ZNF608: variants seen among roughly 807,000 people sequenced by gnomAD.
ZNF608 encodes zinc finger protein 608, also known as renal carcinoma antigen NY-REN-36.
Under a neutral mutation model 109.0 loss-of-function variants are expected in ZNF608, and 12 were observed. The ratio of observed to expected loss-of-function variants is 0.11; its 90% confidence interval spans 0.07 to 0.18. The LOEUF (loss-of-function observed/expected upper bound fraction) is 0.18. Ranked by LOEUF, ZNF608 falls within the 10% of genes least tolerant of loss-of-function variation. The pLI is 1.00. For synonymous variants in ZNF608, 732 were observed against 717.4 expected (o/e 1.02, Z -0.33); for missense variants, 1,707 against 1,879.3 (o/e 0.91, Z 1.70).
intron 3 of ZNF608, among the ~76,000 whole-genome samples, chr5:124,656,539 A>T (rs1380161482): frequency 6.6e-6 from 1 of 152,116 alleles, no homozygotes; most frequent in Non-Finnish European, 1.5e-5. Flanking sequence ...CCAGAGGTTA[A>T]TCTGAACACA....
Position 124,648,992 on chromosome 5 carries a change from C to A in ZNF608, c.1392G>T (p.Gly464=), listed in dbSNP as rs140407403. 15 of 1,614,000 alleles carry A rather than the reference C, an allele frequency of 9.3e-6. No homozygotes were observed. The highest frequency in any genetic ancestry group is 8.8e-5 in the South Asian group (8 of 91,082). The change falls in exon 5 of 10, where the codon GGG becomes GGT. Residue 464 remains glycine, a synonymous_variant. Transcript: ENST00000513986. ...SRGLQNKNRG[G]ANGKGRRGSL... ...TGCCCCGCCTCCCTTTCCCATTGGC[C>A]CCCCCTCTGTTCTTATTCTGCAGCC...
intron 3 of ZNF608, among the ~76,000 whole-genome samples, chr5:124,681,749 A>G: frequency 6.6e-6 from 1 of 152,172 alleles, no homozygotes; most frequent in East Asian, 1.9e-4. Flanking sequence ...CCCTGACTCT[A>G]AAAAAGGACT....
intron 2 of ZNF608, among the ~76,000 whole-genome samples, chr5:124,736,579 T>TAA (rs969395763): frequency 5.5e-5 from 8 of 146,780 alleles, no homozygotes; most frequent in African/African-American, 2.0e-4. Context: ...GAGTGTAGTT[T>TAA]AAAAAAAAAA....
chr5:124,668,408 T>A (rs1751576380), intron 3 of ZNF608, among the ~76,000 whole-genome samples: 1 of 148,462 alleles, frequency 6.7e-6, no homozygotes, highest in African/African-American at 2.5e-5. Flanking sequence ...AAAAAAAAAA[T>A]CACGTAATTT....
intron 3 of ZNF608, among the ~76,000 whole-genome samples, chr5:124,654,610 C>T (rs996757132): frequency 6.6e-5 from 10 of 152,174 alleles, no homozygotes; most frequent in African/African-American, 2.4e-4. Flanking sequence ...AACGTACGAG[C>T]CATGTTTCCC....
At chr5:124,671,215 A>G (rs1751700832) in intron 3 of ZNF608, among the ~76,000 whole-genome samples, 1 of 152,214 alleles carries the variant, frequency 6.6e-6, no homozygotes, top group African/African-American at 2.4e-5. Flanking sequence ...TTATAAACTA[A>G]GTAGATAATA....
Position 124,648,749 on chromosome 5 carries a change from T to C in ZNF608, c.1635A>G (p.Gln545=). Residue 545 remains glutamine (Q), a synonymous_variant, in exon 5 of 10, where the codon CAA becomes CAG. Transcript: ENST00000513986. ...QGKPETTFLD[Q]GCSSPVLIDC... Reference sequence around the variant, plus strand: ...CGATTAACACTGGAGAAGAGCAGCCTTGGTCCAAAAAAGTAGTCTCTGGTT... The same window carrying C: ...CGATTAACACTGGAGAAGAGCAGCCCTGGTCCAAAAAAGTAGTCTCTGGTT... 6.2e-7 allele frequency: 1 copy of C among 1,614,212 alleles called. No individual in the cohort carries two copies. Among genetic ancestry groups the C allele is most frequent in the Non-Finnish European group, 8.5e-7 (1 of 1,180,036 alleles).
At chr5:124,708,728 C>A in intron 2 of ZNF608, 1 of 456,288 alleles carries the variant, frequency 2.2e-6, no homozygotes, top group Non-Finnish European at 4.4e-6. Context: ...TGAAGACCAA[C>A]CCTGCCCTCA....
At chr5:124,697,724 T>C (rs987853964) in intron 3 of ZNF608, among the ~76,000 whole-genome samples, 1 of 152,148 alleles carries the variant, frequency 6.6e-6, no homozygotes, top group African/African-American at 2.4e-5. Flanking sequence ...AAAAGAATCC[T>C]CCTCTAATGA....
intron 3 of ZNF608, among the ~76,000 whole-genome samples, chr5:124,694,021 GC>G (rs1211277589): frequency 9.0e-6 from 1 of 111,346 alleles, no homozygotes; most frequent in Non-Finnish European, 1.7e-5. Context: ...TGTTGCCCAG[GC>G]TAGAGTGCAG....
chr5:124,660,172 CTGTGTGTG>C (rs35200784), intron 3 of ZNF608, among the ~76,000 whole-genome samples: 1 of 150,260 alleles, frequency 6.7e-6, no homozygotes, highest in South Asian at 2.1e-4. Flanking sequence ...TCTCTTAACT[CTGTGTGTG>C]TGTGTGTGTG....
rs1213039787 is a variant in ZNF608 at position 124,743,565 on chromosome 5, G to A, written c.906+519C>T. On this transcript the variant is annotated intron_variant, in intron 2 of 9. Coordinates refer to ENST00000513986, the MANE Select transcript of ZNF608 (RefSeq NM_020747.3). ...TGGAGACAGTAAGAAAAAATAAAAG[G>A]GATGAGGTCTGTAGAATGTAAATTC... Among the ~76,000 whole-genome samples, 4 of 152,228 alleles carry A rather than the reference G, an allele frequency of 2.6e-5. No individual in the cohort carries two copies. The East Asian group carries it at 5.8e-4, about 22-fold the overall frequency.
intron 2 of ZNF608, among the ~76,000 whole-genome samples, chr5:124,706,812 G>A (rs868783397): frequency 6.6e-6 from 1 of 152,188 alleles, no homozygotes; most frequent in East Asian, 1.9e-4. Context: ...GAACAGACGC[G>A]CGGCAGTCTC....
At chr5:124,671,261 A>T (rs1450745969) in intron 3 of ZNF608, among the ~76,000 whole-genome samples, 1 of 152,212 alleles carries the variant, frequency 6.6e-6, no homozygotes, top group Non-Finnish European at 1.5e-5. Context: ...AATAGTCAGA[A>T]ATAGAGACAC....
Position 124,638,020 on chromosome 5 carries a change from G to A in ZNF608, c.4533-114C>T, listed in dbSNP as rs113407969. 4.6e-3 allele frequency: 5,078 copies of A among 1,101,632 alleles called. 103 individuals carry two copies. The African/African-American group carries it at 0.056, about 12-fold the overall frequency. 68.2% of individuals were successfully genotyped at this position (1,101,632 alleles called of 1,614,324 possible). ...GGCTAGAGTGCCATGGCTCAATCTC[G>A]GCTCACCGCAACCTCTGCCTCCTGG... On this transcript the variant is annotated intron_variant, in intron 9 of 9. Coordinates refer to ENST00000513986, the MANE Select transcript of ZNF608 (RefSeq NM_020747.3).
chr5:124,702,065 T>C (rs1753075123), intron 2 of ZNF608, among the ~76,000 whole-genome samples: 1 of 152,192 alleles, frequency 6.6e-6, no homozygotes, highest in Non-Finnish European at 1.5e-5. Flanking sequence ...TGCAATGGCA[T>C]CCCCTTTGCA....
rs771119467 is a variant in ZNF608 at position 124,643,642 on chromosome 5, T to C, written c.4165A>G (p.Lys1389Glu). The change falls in exon 7 of 10, where the codon AAG becomes GAG. Residue 1389 changes from lysine to glutamate, a missense_variant. This residue lies in a region of ZNF608 where 1,073 missense variants were observed against 1,133.5 expected (regional missense o/e 0.95). Coordinates refer to ENST00000513986, the MANE Select transcript of ZNF608 (RefSeq NM_020747.3). The part of the protein sequence containing the change: ...SPGFHYPVYG[K>E]MSGREETEKV... ...TCTGTCTCTTCTCTCCCTGACATCT[T>C]CCCATAAACAGGATAATGAAATCCT... 3 of 1,613,966 alleles carry C rather than the reference T, an allele frequency of 1.9e-6. No homozygotes were observed.
At chr5:124,646,185 C>T (rs1750491096) in intron 5 of ZNF608, among the ~76,000 whole-genome samples, 1 of 152,152 alleles carries the variant, frequency 6.6e-6, no homozygotes, top group Middle Eastern at 3.4e-3. Flanking sequence ...CACGGTGAAA[C>T]CCCATCTCTA....
chr5:124,666,759 T>G (rs1031233316), intron 3 of ZNF608, among the ~76,000 whole-genome samples: 1 of 145,550 alleles, frequency 6.9e-6, no homozygotes, highest in Non-Finnish European at 1.5e-5. Flanking sequence ...GTGTGTGTGT[T>G]TCATCTGTTT....
Sources: gnomAD v4.1 joint callset for allele counts (sites outside exome capture counted in the v4.1 genomes callset) on GRCh38, gnomAD v4.1.1 for gene constraint, gnomAD v4.1.1 regional missense constraint, MANE v1.5 for transcripts, NCBI Gene and HGNC (gene_info 2026-07-23, HGNC 2026-07-21) for gene names.